Variants in ANO1 observed in about 807,000 individuals in gnomAD.
ANO1 encodes the protein anoctamin-1.
ANO1 carries 59 observed loss-of-function variants against 124.0 expected under a neutral mutation model. That is an observed-to-expected ratio of 0.48 (90% CI 0.39 to 0.59). The LOEUF is 0.59. Among genes scored for constraint, ANO1 ranks in the 20% least tolerant of loss-of-function variants. The probability of loss-of-function intolerance (pLI) is 0.00; values close to 1 mark genes in which losing one functional copy is unlikely to be tolerated. For missense variants in ANO1, 1,059 were observed against 1,328.0 expected (o/e 0.80, Z 3.15); for synonymous variants, 529 against 532.0 (o/e 0.99, Z 0.08).
At chr11:69,994,355 G>C (rs1188465765) in intron 1 of ANO1, among the ~76,000 whole-genome samples, 2 of 151,114 alleles carry the variant, frequency 1.3e-5, no homozygotes, top group Non-Finnish European at 2.9e-5. Flanking sequence ...TCCCTGGGTG[G>C]ATGGGTGGAT....
chr11:70,149,330 C>G (rs933835446), intron 11 of ANO1, among the ~76,000 whole-genome samples: 1 of 152,192 alleles, frequency 6.6e-6, no homozygotes, highest in African/African-American at 2.4e-5. Flanking sequence ...CAGGATGTCA[C>G]CCTCTCTCAC....
chr11:70,024,761 G>A (rs1313099025), intron 1 of ANO1, among the ~76,000 whole-genome samples: 2 of 152,238 alleles, frequency 1.3e-5, no homozygotes, highest in African/African-American at 4.8e-5. Context: ...AAGCCCCGCT[G>A]ACAGCCTGGA....
In ANO1 at chr11:70,187,466, T is replaced by C. The variant is rs867353630; in HGVS notation, c.2695-272T>C. Among the ~76,000 whole-genome samples the C allele has an allele frequency of 2.0e-4, 30 of 152,328 alleles. No homozygotes were observed. In the Middle Eastern group the frequency reaches 0.01, roughly 52 times the overall value. ...ATGTGTGATCCATCAGGTCACTTCCTGAGTCTCCTGATCAAAGAATTCAGA... is the reference window on the plus strand; with the variant it reads ...ATGTGTGATCCATCAGGTCACTTCCCGAGTCTCCTGATCAAAGAATTCAGA... On this transcript the variant is annotated intron_variant, in intron 25 of 25. Transcript: ENST00000355303.
At chr11:70,150,161 G>T (rs1222679198) in intron 12 of ANO1, among the ~76,000 whole-genome samples, 2 of 152,170 alleles carry the variant, frequency 1.3e-5, no homozygotes, top group Non-Finnish European at 2.9e-5. Flanking sequence ...AATGGACACT[G>T]CCCATGGGTC....
intron 8 of ANO1, among the ~76,000 whole-genome samples, chr11:70,122,809 C>T (rs778858764): frequency 3.6e-4 from 55 of 152,110 alleles, no homozygotes; most frequent in Non-Finnish European, 6.6e-4. Flanking sequence ...CACTCTCTGC[C>T]GCATCTTCCA....
At chr11:70,162,913 T>C (rs2048114528) in intron 18 of ANO1, among the ~76,000 whole-genome samples, 1 of 152,250 alleles carries the variant, frequency 6.6e-6, no homozygotes, top group Non-Finnish European at 1.5e-5. Context: ...CAGCTGTCCA[T>C]GGACCCCACC....
chr11:70,070,165 T>A (rs534346585), intron 1 of ANO1, among the ~76,000 whole-genome samples: 2 of 152,282 alleles, frequency 1.3e-5, no homozygotes, highest in African/African-American at 4.8e-5. Flanking sequence ...GCTGGTTCAA[T>A]TCTGTGCATT....
intron 1 of ANO1, among the ~76,000 whole-genome samples, chr11:70,007,498 G>T (rs568875817): frequency 6.6e-5 from 10 of 152,024 alleles, no homozygotes; most frequent in Non-Finnish European, 1.5e-4. Flanking sequence ...GGATGGTCTC[G>T]ATCTCCTGAC....
intron 1 of ANO1, among the ~76,000 whole-genome samples, chr11:70,021,737 C>G (rs555993751): frequency 4.6e-5 from 7 of 152,272 alleles, no homozygotes; most frequent in Admixed American, 2.0e-4. Flanking sequence ...GAGCCAGGCT[C>G]TTGCCCAGGA....
chr11:69,970,830 C>T, the ANO1 span, among the ~76,000 whole-genome samples: 3 of 152,230 alleles, frequency 2.0e-5, no homozygotes, highest in African/African-American at 7.2e-5. Context: ...TCTCAGGCCG[C>T]CCTCCCATGC....
At chr11:70,125,767 G>T (rs184358711) in intron 9 of ANO1, among the ~76,000 whole-genome samples, 5 of 147,318 alleles carry the variant, frequency 3.4e-5, no homozygotes, top group African/African-American at 1.3e-4. Flanking sequence ...TGGCGTGAAC[G>T]CGGGAGGTGG....
intron 8 of ANO1, among the ~76,000 whole-genome samples, chr11:70,122,173 A>C (rs1054170823): frequency 0.01 from 227 of 21,842 alleles, 5 homozygotes; most frequent in Middle Eastern, 0.053. Flanking sequence ...CATCTCCCCC[A>C]CCTCTCTGTC....
intron 7 of ANO1, 112 bp downstream of exon 7, chr11:70,111,874 G>T (rs755142333): frequency 8.7e-6 from 10 of 1,144,316 alleles, no homozygotes; most frequent in Non-Finnish European, 1.3e-5. Flanking sequence ...TTCCTGCTTG[G>T]CTCTCGCTGT....
chr11:69,966,183 C>T, the ANO1 span, among the ~76,000 whole-genome samples: 1 of 152,244 alleles, frequency 6.6e-6, no homozygotes, highest in Admixed American at 6.5e-5. Flanking sequence ...ACAGGGCCAC[C>T]TGCAACCGTG....
At chr11:70,046,238 G>T (rs1555005621) in intron 1 of ANO1, among the ~76,000 whole-genome samples, 1 of 152,180 alleles carries the variant, frequency 6.6e-6, no homozygotes, top group East Asian at 1.9e-4. Flanking sequence ...CCTGTAAAAT[G>T]ATTTGCAGGA....
chr11:70,040,974 G>A lies in ANO1; in HGVS notation c.59-37568G>A, dbSNP rs562363563. On this transcript the variant is annotated intron_variant, in intron 1 of 27. Transcript: ENST00000531349. ...TCATAGCTCGAGGGCCCTGTCAGTG[G>A]AGAGGTTCTGGGAGCTTGGTGGGGA... Among the ~76,000 whole-genome samples, 15 of 152,280 alleles carry A rather than the reference G, an allele frequency of 9.9e-5. No homozygotes were observed. In the South Asian group the frequency reaches 2.9e-3, roughly 29 times the overall value.
At chr11:70,156,073 GTA>G (rs368393737) in intron 15 of ANO1, 85 bp downstream of exon 15, 2,281 of 1,150,840 alleles carry the variant, frequency 2.0e-3, no homozygotes, top group Non-Finnish European at 2.2e-3. Flanking sequence ...ACAAACTGTT[GTA>G]TATATTTTTT....
At chr11:70,155,851 G>T (rs1274528276) in intron 14 of ANO1, 60 bp from the exon 15 acceptor site, 6 of 1,460,660 alleles carry the variant, frequency 4.1e-6, no homozygotes, top group Non-Finnish European at 4.6e-6. Context: ...GGGCCCCGCG[G>T]TCTGCGGTGC....
chr11:70,091,491 A>G lies in ANO1; in HGVS notation c.441+3407A>G, dbSNP rs539985432. ...CCCAAGTTGTGAAAGCAAACCAGAA[A>G]TGTCCCCAGACATTGCCAGTGTACG... On this transcript the variant is annotated intron_variant, in intron 2 of 25. Coordinates refer to ENST00000355303, the MANE Select transcript of ANO1 (RefSeq NM_018043.7). 7.9e-5 allele frequency among the ~76,000 whole-genome samples: 12 copies of G among 152,332 alleles called. 1 individual carries two copies. The South Asian group carries it at 2.5e-3, about 32-fold the overall frequency.
Sources: allele counts gnomAD v4.1 joint callset (sites outside exome capture counted in the v4.1 genomes callset), GRCh38; gene constraint gnomAD v4.1.1; transcripts MANE v1.5; gene names NCBI Gene and HGNC (gene_info 2026-07-23, HGNC 2026-07-21).